Variants in ASB5 observed in about 807,000 individuals in gnomAD.
The protein encoded by ASB5 is ankyrin repeat and SOCS box containing 5.
A neutral mutation model predicts 42.1 loss-of-function variants in ASB5; 45 were observed. The observed-to-expected ratio is 1.07, with a 90% CI of 0.84 to 1.37. ASB5 has a LOEUF of 1.37. Ranked by LOEUF, ASB5 falls within the 40% of genes most tolerant of loss-of-function variation. The probability of loss-of-function intolerance (pLI) is 0.00; values close to 1 mark genes in which losing one functional copy is unlikely to be tolerated. For synonymous variants in ASB5, 147 were observed against 150.6 expected (o/e 0.98, Z 0.18); for missense variants, 402 against 399.8 (o/e 1.01, Z -0.05).
chr4:176,255,878 A>G (rs1452468124), intron 1 of ASB5, among the ~76,000 whole-genome samples: 1 of 152,238 alleles, frequency 6.6e-6, no homozygotes, highest in Admixed American at 6.5e-5. Context: ...TATTTTTAAA[A>G]AGAAAGAAAA....
At chr4:176,245,963 G>A (rs1279573371) in intron 1 of ASB5, among the ~76,000 whole-genome samples, 1 of 151,896 alleles carries the variant, frequency 6.6e-6, no homozygotes, top group Non-Finnish European at 1.5e-5. Context: ...GAGTTAACGG[G>A]TGCAGCAAAC....
chr4:176,260,528 C>T (rs1711544805), intron 1 of ASB5, among the ~76,000 whole-genome samples: 1 of 152,178 alleles, frequency 6.6e-6, no homozygotes, highest in Non-Finnish European at 1.5e-5. Context: ...GCCTCTCCCT[C>T]CCTGACATGA....
chr4:176,248,809 G>A (rs1418323672), intron 1 of ASB5, among the ~76,000 whole-genome samples: 2 of 152,264 alleles, frequency 1.3e-5, no homozygotes, highest in African/African-American at 2.4e-5. Context: ...CATAGGAGCT[G>A]AAACTAAAGA....
chr4:176,254,902 C>T (rs1012136858), intron 1 of ASB5, among the ~76,000 whole-genome samples: 4 of 152,058 alleles, frequency 2.6e-5, no homozygotes, highest in Non-Finnish European at 5.9e-5. Flanking sequence ...GAGGCCGAGG[C>T]GAGTGGATCA....
intron 1 of ASB5, among the ~76,000 whole-genome samples, chr4:176,239,983 G>C (rs1468071923): frequency 2.0e-5 from 3 of 152,310 alleles, no homozygotes; most frequent in Non-Finnish European, 1.5e-5. Context: ...TGTGCTCAGT[G>C]TACGTTCTGT....
chr4:176,250,085 A>G (rs912367231), intron 1 of ASB5, among the ~76,000 whole-genome samples: 20 of 151,818 alleles, frequency 1.3e-4, no homozygotes, highest in Non-Finnish European at 1.0e-4. Context: ...AAAAAAAGAA[A>G]AAGAAAAAGA....
intron 1 of ASB5, among the ~76,000 whole-genome samples, chr4:176,252,392 G>C (rs1235290946): frequency 6.6e-6 from 1 of 152,184 alleles, no homozygotes; most frequent in Non-Finnish European, 1.5e-5. Context: ...GCATTGAAAA[G>C]GGTAACAAAT....
At chr4:176,239,369 A>G (rs1206449656) in intron 1 of ASB5, among the ~76,000 whole-genome samples, 1 of 152,226 alleles carries the variant, frequency 6.6e-6, no homozygotes, top group Non-Finnish European at 1.5e-5. Flanking sequence ...ATGCTTTTGA[A>G]TAATGCATAT....
intron 5 of ASB5, among the ~76,000 whole-genome samples, chr4:176,217,583 G>A (rs554769264): frequency 1.3e-5 from 2 of 152,166 alleles, no homozygotes; most frequent in African/African-American, 2.4e-5. Context: ...AAGATATTGA[G>A]CCTTTTAAAT....
chr4:176,246,457 A>G (rs1007409310), intron 1 of ASB5, among the ~76,000 whole-genome samples: 1 of 152,226 alleles, frequency 6.6e-6, no homozygotes, highest in Non-Finnish European at 1.5e-5. Context: ...GTATCACAGC[A>G]CTAGCCATGA....
At chr4:176,249,858 G>A (rs1753991054) in intron 1 of ASB5, among the ~76,000 whole-genome samples, 2 of 152,018 alleles carry the variant, frequency 1.3e-5, no homozygotes, top group Admixed American at 6.5e-5. Context: ...GAGGTCAGGA[G>A]ATGGAGACCA....
intron 1 of ASB5, among the ~76,000 whole-genome samples, chr4:176,236,213 C>T (rs920181802): frequency 1.3e-5 from 2 of 151,514 alleles, no homozygotes; most frequent in African/African-American, 2.4e-5. Flanking sequence ...TATTATGTTG[C>T]TAATGCCTGC....
At chr4:176,261,843 C>T (rs967242644) in intron 1 of ASB5, among the ~76,000 whole-genome samples, 4 of 152,008 alleles carry the variant, frequency 2.6e-5, no homozygotes, top group Admixed American at 2.0e-4. Context: ...TGCTTTTACT[C>T]ATATATCACA....
chr4:176,242,400 G>A (rs1175708312), intron 1 of ASB5, among the ~76,000 whole-genome samples: 5 of 152,126 alleles, frequency 3.3e-5, no homozygotes, highest in African/African-American at 1.2e-4. Context: ...TTCTTCTGAG[G>A]AATTTTAAAA....
chr4:176,272,856 G>A (rs12649379), upstream of ASB5, among the ~76,000 whole-genome samples: 98,622 of 151,570 alleles, frequency 0.65, 32,327 homozygotes, highest in Middle Eastern at 0.72. Context: ...ATATCAATGG[G>A]TTATAATAAA....
At chr4:176,258,417 T>G (rs1339467815) in intron 1 of ASB5, among the ~76,000 whole-genome samples, 1 of 152,208 alleles carries the variant, frequency 6.6e-6, no homozygotes, top group African/African-American at 2.4e-5. Flanking sequence ...TTATTCATTC[T>G]ACAACCATTT....
rs1753208609 is a variant in ASB5, at chr4:176,221,531, C to T, written c.454G>A (p.Ala152Thr). The change falls in exon 4 of 7, where the codon GCA (alanine) becomes ACA (threonine). Residue 152 changes from alanine (A) to threonine (T), a missense_variant. Ala to Thr is a moderately conservative substitution (Grantham distance 58). Transcript: ENST00000296525. ...NACSQGSPSC[A>T]ELLLEYGAKA... ...GCACCATACTCCAGAAGCAGCTCTG[C>T]ACAGCTTGGACTGCCTTGGGAGCAT... The T allele has an allele frequency of 1.2e-6, 2 of 1,614,054 alleles. No homozygotes were observed. The highest frequency in any genetic ancestry group is 1.7e-6 in the Non-Finnish European group (2 of 1,179,906).
In ASB5 at chr4:176,268,848, T is replaced by C. The variant is rs1047695993; in HGVS notation, c.196+65A>G. On this transcript the variant is annotated intron_variant, in intron 1 of 6. Coordinates refer to ENST00000296525, the MANE Select transcript of ASB5 (RefSeq NM_080874.4). ...CTTGAAGCAGTCTAAAAAGAAAACA[T>C]GTAATTGTGGATCAGATGAAAGTTA... 3.8e-6 allele frequency: 5 copies of C among 1,313,500 alleles called. No individual in the cohort carries two copies. In the African/African-American group the frequency reaches 7.6e-5, roughly 20 times the overall value. 81.4% of individuals were successfully genotyped at this position (1,313,500 alleles called of 1,614,324 possible).
chr4:176,253,454 A>C (rs1271063334), intron 1 of ASB5, among the ~76,000 whole-genome samples: 2 of 152,206 alleles, frequency 1.3e-5, no homozygotes, highest in Non-Finnish European at 1.5e-5. Context: ...ACAGGCAAAA[A>C]CTGGAAGCAT....
Sources: gnomAD v4.1 joint callset for allele counts (sites outside exome capture counted in the v4.1 genomes callset) on GRCh38, gnomAD v4.1.1 for gene constraint, MANE v1.5 for transcripts, NCBI Gene and HGNC (gene_info 2026-07-23, HGNC 2026-07-21) for gene names.